Variants in SDAD1 observed in about 807,000 individuals in gnomAD.
SDAD1 encodes the protein SDA1 domain containing 1.
A neutral mutation model predicts 100.3 loss-of-function variants in SDAD1; 79 were observed. The observed-to-expected ratio is 0.79, with a 90% confidence interval of 0.66 to 0.95. The LOEUF (loss-of-function observed/expected upper bound fraction) is 0.95, where lower values mean the gene tolerates loss of function less well. Among genes scored for constraint, SDAD1 ranks in the 40% least tolerant of loss-of-function variants. SDAD1 has a pLI of 0.00. For missense variants in SDAD1, 790 were observed against 810.9 expected (o/e 0.97, Z 0.31); for synonymous variants, 267 against 271.4 (o/e 0.98, Z 0.16).
chr4:75,973,451 C>A (rs1046643881), intron 7 of SDAD1, 60 bp from the exon 8 acceptor site: 1 of 1,231,754 alleles, frequency 8.1e-7, no homozygotes, highest in South Asian at 1.2e-5. Context: ...AGAATAAATC[C>A]TTTTGAGTAT....
intron 3 of SDAD1, among the ~76,000 whole-genome samples, chr4:75,979,851 G>A (rs1730397486): frequency 6.6e-6 from 1 of 152,022 alleles, no homozygotes; most frequent in African/African-American, 2.4e-5. Context: ...AAAATTTAGA[G>A]GTGGGATCTT....
intron 1 of SDAD1, among the ~76,000 whole-genome samples, chr4:75,990,285 C>CG (rs1006334909): frequency 6.7e-6 from 1 of 149,282 alleles, no homozygotes; most frequent in Non-Finnish European, 1.5e-5. Flanking sequence ...CCCCCCCCCC[C>CG]CCTTTCCTGG....
chr4:75,978,460 C>T (rs911507732), intron 3 of SDAD1, among the ~76,000 whole-genome samples: 3 of 151,714 alleles, frequency 2.0e-5, no homozygotes, highest in African/African-American at 7.3e-5. Context: ...ACTTCAGCCT[C>T]CTAAGTAGCT....
Position 75,981,224 on chromosome 4 carries a change from A to T in SDAD1, c.294+148T>A, listed in dbSNP as rs928293843. 6 of 707,974 alleles carry T rather than the reference A, an allele frequency of 8.5e-6. No homozygotes were observed. The African/African-American group carries it at 1.1e-4, about 13-fold the overall frequency. 43.9% of individuals were successfully genotyped at this position (707,974 alleles called of 1,614,324 possible). A position where few individuals can be genotyped will look rare whatever the true frequency, so the allele number is the denominator to read the frequency against. On this transcript the variant is annotated intron_variant, in intron 3 of 21. Coordinates refer to ENST00000356260, the MANE Select transcript of SDAD1 (RefSeq NM_018115.4). Reference sequence around the variant, plus strand: ...CGTTTTACTCTAAGTATAAATGAGAAGCCATAGAAGGATTTTTAGGAAAGG... The same window carrying T: ...CGTTTTACTCTAAGTATAAATGAGATGCCATAGAAGGATTTTTAGGAAAGG...
At chr4:75,961,794 T>A (rs1215828877) in intron 14 of SDAD1, among the ~76,000 whole-genome samples, 2 of 152,186 alleles carry the variant, frequency 1.3e-5, no homozygotes, top group Non-Finnish European at 2.9e-5. Flanking sequence ...GCTTCAATAA[T>A]AAATCACTCG....
At chr4:75,978,982 G>GAAGAAAAAAAAAA in intron 3 of SDAD1, among the ~76,000 whole-genome samples, 1 of 38,066 alleles carries the variant, frequency 2.6e-5, no homozygotes, top group South Asian at 1.9e-3. Flanking sequence ...CCCTGTCTCA[G>GAAGAAAAAAAAAA]AAAAAAAAAA....
At position 75,990,865 on chromosome 4, in the gene SDAD1, GC is replaced by G; in HGVS notation, c.-25del. The G allele has an allele frequency of 6.2e-7, 1 of 1,614,000 alleles. No homozygotes were observed. Among genetic ancestry groups the G allele is most frequent in the Non-Finnish European group, 8.5e-7 (1 of 1,180,012 alleles). On this transcript the variant is annotated 5_prime_UTR_variant, in exon 1 of 22. Transcript: ENST00000356260. Reference sequence around the variant, plus strand: ...ATTTTGGCTGCAGACAGACTTCGCGGCGAGCAGTTTTAAAAAAACTCAGACG... The same window carrying G: ...ATTTTGGCTGCAGACAGACTTCGCGGGAGCAGTTTTAAAAAAACTCAGACG...
rs1435626494 is a variant in SDAD1 at position 75,961,023 on chromosome 4, C to A, written c.1356+5G>T. 2 of 1,612,956 alleles carry A rather than the reference C, an allele frequency of 1.2e-6. No individual in the cohort carries two copies. Among genetic ancestry groups the A allele is most frequent in the East Asian group, 4.5e-5 (2 of 44,878 alleles). On this transcript the variant is annotated splice_donor_5th_base_variant and intron_variant, in intron 16 of 21. Transcript: ENST00000356260. ...TTTAGACCAACATAAGTGTGCTTTA[C>A]CTACCCGGAATTTCTTCTGCAGCAT...
At chr4:75,967,184 G>A in intron 12 of SDAD1, 93 bp downstream of exon 12, 2 of 1,166,986 alleles carry the variant, frequency 1.7e-6, no homozygotes, top group Middle Eastern at 3.9e-4. Flanking sequence ...AGAGCACACT[G>A]CACTCCTGTC....
intron 5 of SDAD1, 22 bp downstream of exon 5, chr4:75,975,902 T>C: frequency 1.9e-6 from 3 of 1,602,602 alleles, no homozygotes; most frequent in Non-Finnish European, 2.6e-6. Context: ...GCTGCAAACA[T>C]GGAAGACAGA....
Position 75,961,230 on chromosome 4 carries a change from A to C in SDAD1, c.1260T>G (p.Tyr420Ter). ...TEELLQDLAQ[Y>*]KTHKDKNVMM... ...GCTTACTCTTATCCTTGTGTGTTTTATACTGAGCCAGGTCTTGGAGAAGTT... is the reference window on the plus strand; with the variant it reads ...GCTTACTCTTATCCTTGTGTGTTTTCTACTGAGCCAGGTCTTGGAGAAGTT... Residue 420 changes from tyrosine to a stop codon, truncating the protein, a stop_gained, in exon 15 of 22, where the codon TAT becomes TAG. Transcript: ENST00000356260. LOFTEE classifies it high-confidence loss of function. 6.2e-7 allele frequency: 1 copy of C among 1,614,042 alleles called. No individual in the cohort carries two copies. Among genetic ancestry groups the C allele is most frequent in the Non-Finnish European group, 8.5e-7 (1 of 1,179,910 alleles).
At chr4:75,979,697 C>G (rs986292685) in intron 3 of SDAD1, among the ~76,000 whole-genome samples, 1 of 152,122 alleles carries the variant, frequency 6.6e-6, no homozygotes, top group Non-Finnish European at 1.5e-5. Context: ...TCAGGTGATC[C>G]TCCTGCCTCG....
At chr4:75,953,025 G>GCC (rs1728699815) in intron 21 of SDAD1, among the ~76,000 whole-genome samples, 1 of 152,044 alleles carries the variant, frequency 6.6e-6, no homozygotes. Flanking sequence ...AGAAAATCAG[G>GCC]AACTTAAAAG....
At chr4:75,982,075 T>C (rs1578145905) in intron 1 of SDAD1, 38 bp from the exon 2 acceptor site, 2 of 1,283,838 alleles carry the variant, frequency 1.6e-6, no homozygotes, top group South Asian at 1.3e-5. Flanking sequence ...CACATTGTAT[T>C]ACATGACTTT....
chr4:75,954,642 C>T (rs1728791305), intron 21 of SDAD1, among the ~76,000 whole-genome samples: 1 of 152,162 alleles, frequency 6.6e-6, no homozygotes, highest in Non-Finnish European at 1.5e-5. Flanking sequence ...TGAAATGCTC[C>T]TCATTATTGT....
intron 1 of SDAD1, among the ~76,000 whole-genome samples, chr4:75,989,445 T>C (rs1379468662): frequency 6.6e-6 from 1 of 152,244 alleles, no homozygotes; most frequent in Non-Finnish European, 1.5e-5. Context: ...CTTTCTTATC[T>C]GTCTTATTCA....
rs746830604 is a variant in SDAD1, at chr4:75,975,855, G to A, written c.478-11C>T. On this transcript the variant is annotated splice_polypyrimidine_tract_variant and intron_variant, in intron 5 of 21. Transcript: ENST00000356260. ...GAAATTTTGCAATACCTGCAGAAAA[G>A]GAGGAGAAAGAAGACTTAATGCACT... is the stretch of plus-strand genomic sequence containing the variant. 1.9e-6 allele frequency: 3 copies of A among 1,611,812 alleles called. No homozygotes were observed. The African/African-American group carries it at 4.0e-5, about 22-fold the overall frequency.
chr4:75,969,392 C>T lies in SDAD1; in HGVS notation c.891G>A (p.Ala297=), dbSNP rs1468961386. ...ACTCAAGCTGCTTTAGTAGTTTTTCCGCAAAATCTGGCAAGGAGAGGATGA... is the reference window on the plus strand; with the variant it reads ...ACTCAAGCTGCTTTAGTAGTTTTTCTGCAAAATCTGGCAAGGAGAGGATGA... ...IHLIHDPQDF[A]EKLLKQLECC... The change falls in exon 11 of 22, where the codon GCG becomes GCA. Residue 297 remains alanine, a synonymous_variant. Transcript: ENST00000356260. The T allele has an allele frequency of 9.9e-6, 16 of 1,612,506 alleles. No individual in the cohort carries two copies. The highest frequency in any genetic ancestry group is 1.7e-4 in the Middle Eastern group (1 of 6,058).
At chr4:75,981,761 G>A (rs1047389784) in intron 2 of SDAD1, among the ~76,000 whole-genome samples, 172 bp downstream of exon 2, 8 of 152,158 alleles carry the variant, frequency 5.3e-5, no homozygotes, top group Non-Finnish European at 4.4e-5. Context: ...AAGATCTAGT[G>A]ACATTCTCTA....
Sources: gnomAD v4.1 joint callset for allele counts (sites outside exome capture counted in the v4.1 genomes callset) on GRCh38, gnomAD v4.1.1 for gene constraint, MANE v1.5 for transcripts, NCBI Gene and HGNC (gene_info 2026-07-23, HGNC 2026-07-21) for gene names.